The following HTR4 variants were observed in gnomAD, a reference collection of about 807,000 sequenced individuals.
HTR4 encodes the protein 5-hydroxytryptamine (serotonin) receptor 4, G protein-coupled.
HTR4 carries 16 observed loss-of-function variants against 36.8 expected under a neutral mutation model. The ratio of observed to expected loss-of-function variants is 0.43; its 90% CI spans 0.29 to 0.66. The LOEUF is 0.66. HTR4 is among the 30% of genes least tolerant of loss of function. The pLI is 0.13. For missense variants in HTR4, 438 were observed against 490.9 expected (o/e 0.89, Z 1.02); for synonymous variants, 189 against 185.1 (o/e 1.02, Z -0.17).
rs556289493 is a variant in HTR4, at chr5:148,595,862, G to T, written c.26+41127C>A. ...TCCATAAAATTTTGGGCCGCATGAG[G>T]AGTTAGTGTAGTGACACACTTATTT... On this transcript the variant is annotated intron_variant, in intron 2 of 6. Transcript: ENST00000377888. Among the ~76,000 whole-genome samples, 23 of 152,312 alleles carry T rather than the reference G, an allele frequency of 1.5e-4. 1 individual carries two copies. The South Asian group carries it at 4.6e-3, about 30-fold the overall frequency.
intron 6 of HTR4, among the ~76,000 whole-genome samples, chr5:148,504,459 T>C (rs1757087992): frequency 6.6e-6 from 1 of 152,020 alleles, no homozygotes; most frequent in Non-Finnish European, 1.5e-5. Context: ...AACAAAGACA[T>C]GACATACCAG....
At chr5:148,595,201 G>A (rs1761721624) in intron 2 of HTR4, among the ~76,000 whole-genome samples, 1 of 151,898 alleles carries the variant, frequency 6.6e-6, no homozygotes, top group African/African-American at 2.4e-5. Context: ...AAGGATATTA[G>A]GCAGTTCTAG....
At chr5:148,643,497 G>A (rs1753787327) in intron 1 of HTR4, among the ~76,000 whole-genome samples, 1 of 152,024 alleles carries the variant, frequency 6.6e-6, no homozygotes, top group South Asian at 2.1e-4. Flanking sequence ...GACCAATTAA[G>A]TGTGAATCTG....
intron 5 of HTR4, among the ~76,000 whole-genome samples, chr5:148,451,914 C>T (rs532279559): frequency 5.3e-5 from 8 of 152,338 alleles, no homozygotes; most frequent in African/African-American, 1.9e-4. Context: ...AGGCGAGTCT[C>T]ATCATCAGTT....
intron 5 of HTR4, chr5:148,521,107 T>C (rs973426177): frequency 8.4e-6 from 9 of 1,069,050 alleles, no homozygotes; most frequent in Non-Finnish European, 1.1e-5. Flanking sequence ...GGACCACTTC[T>C]ACAGCAAGTG....
rs144538857 is a variant in HTR4 at position 148,537,391 on chromosome 5, A to T, written c.353+11277T>A. 2.4e-3 allele frequency among the ~76,000 whole-genome samples: 364 copies of T among 152,294 alleles called. 13 individuals are homozygous for T. The East Asian group carries it at 0.04, about 17-fold the overall frequency. On this transcript the variant is annotated intron_variant, in intron 4 of 6. Coordinates refer to ENST00000377888, the MANE Select transcript of HTR4 (RefSeq NM_000870.7). ...GAGGACAAGAAATAACCAAAATCAG[A>T]ACTGAATTGAAGGAAATCAAGACAC...
At chr5:148,476,617 T>C, downstream of HTR4, 1 of 1,548,224 alleles carries the variant, frequency 6.5e-7, no homozygotes, top group Non-Finnish European at 8.7e-7. Flanking sequence ...ATGAAAAGCT[T>C]CACATTCTTC....
intron 2 of HTR4, among the ~76,000 whole-genome samples, chr5:148,584,721 A>T (rs747946907): frequency 6.6e-6 from 1 of 152,114 alleles, no homozygotes; most frequent in East Asian, 1.9e-4. Context: ...GAGCAACAAG[A>T]TATAGTTTGG....
At chr5:148,563,614 C>T (rs1225172939) in intron 2 of HTR4, among the ~76,000 whole-genome samples, 1 of 152,138 alleles carries the variant, frequency 6.6e-6, no homozygotes, top group Admixed American at 6.5e-5. Context: ...GGTTCCACAT[C>T]CGTAGATTCA....
chr5:148,639,563 C>T (rs1056698505), intron 1 of HTR4, among the ~76,000 whole-genome samples: 4 of 149,486 alleles, frequency 2.7e-5, no homozygotes, highest in African/African-American at 9.9e-5. Context: ...CAATTTCACA[C>T]CCCATTTTCT....
intron 2 of HTR4, among the ~76,000 whole-genome samples, chr5:148,565,129 TTAA>T (rs1423075731): frequency 6.7e-6 from 1 of 149,824 alleles, no homozygotes; most frequent in Non-Finnish European, 1.5e-5. Context: ...AAAAAAAAGA[TTAA>T]TAAATCTAAA....
chr5:148,493,085 A>C (rs144160224), intron 6 of HTR4, among the ~76,000 whole-genome samples: 28 of 152,364 alleles, frequency 1.8e-4, no homozygotes, highest in East Asian at 1.2e-3. Flanking sequence ...TAACTTTTCT[A>C]ATCCTGAGTA....
chr5:148,602,006 T>C (rs1762014031), intron 2 of HTR4, among the ~76,000 whole-genome samples: 1 of 152,130 alleles, frequency 6.6e-6, no homozygotes, highest in Non-Finnish European at 1.5e-5. Context: ...AATAGTCAAA[T>C]GGTGCAAAGT....
intron 1 of HTR4, among the ~76,000 whole-genome samples, chr5:148,641,988 G>T (rs974993840): frequency 6.6e-6 from 1 of 152,170 alleles, no homozygotes; most frequent in Non-Finnish European, 1.5e-5. Flanking sequence ...CAAACCTGGA[G>T]CTATGTCATA....
At chr5:148,508,559 C>T (rs1757335146) in intron 6 of HTR4, among the ~76,000 whole-genome samples, 1 of 152,112 alleles carries the variant, frequency 6.6e-6, no homozygotes, top group South Asian at 2.1e-4. Flanking sequence ...GAAATGGCTT[C>T]CCTGCCTTCT....
At chr5:148,543,108 T>G (rs1018863351) in intron 4 of HTR4, among the ~76,000 whole-genome samples, 2 of 152,156 alleles carry the variant, frequency 1.3e-5, no homozygotes, top group Admixed American at 6.5e-5. Context: ...TATGGACTCA[T>G]GTGTTAAGGA....
At chr5:148,545,036 C>T (rs527748955) in intron 4 of HTR4, among the ~76,000 whole-genome samples, 33 of 152,272 alleles carry the variant, frequency 2.2e-4, no homozygotes, top group Non-Finnish European at 3.5e-4. Flanking sequence ...ACTGTTAGGA[C>T]GGGAAGGACA....
intron 4 of HTR4, among the ~76,000 whole-genome samples, chr5:148,540,381 G>A: frequency 1.2e-5 from 1 of 81,052 alleles, no homozygotes; most frequent in Non-Finnish European, 2.3e-5. Flanking sequence ...TAAAATTTTA[G>A]GTTTTATTTT....
rs1033623894 is a variant in HTR4 at position 148,654,360 on chromosome 5, G to T, written c.-346C>A. ...GGCTCAACAGCCCCCAGCCCCGGTG[G>T]TCCCCGCTGCCCTGCCCGCTGCCGC... On this transcript the variant is annotated 5_prime_UTR_variant, in exon 1 of 7. Transcript: ENST00000377888. 6 of 985,312 alleles carry T rather than the reference G, an allele frequency of 6.1e-6. No individual in the cohort carries two copies. 61.0% of individuals were successfully genotyped at this position (985,312 alleles called of 1,614,324 possible). A position where few individuals can be genotyped will look rare whatever the true frequency, so the allele number is the denominator to read the frequency against.
Sources: allele counts gnomAD v4.1 joint callset (sites outside exome capture counted in the v4.1 genomes callset), GRCh38; gene constraint gnomAD v4.1.1; transcripts MANE v1.5; gene names NCBI Gene and HGNC (gene_info 2026-07-23, HGNC 2026-07-21).